The following HSD17B4 variants were observed in gnomAD, a reference collection of about 807,000 sequenced individuals.
HSD17B4 encodes the protein hydroxysteroid 17-beta dehydrogenase 4, also known as peroxisomal multifunctional enzyme type 2.
Under a neutral mutation model 101.0 loss-of-function variants are expected in HSD17B4, and 70 were observed. That is an observed-to-expected ratio of 0.69 (90% confidence interval 0.57 to 0.85). The LOEUF is 0.85. Among genes scored for constraint, HSD17B4 ranks in the 40% least tolerant of loss-of-function variants. The pLI is 0.00. For synonymous variants in HSD17B4, 347 were observed against 297.1 expected, an observed-to-expected ratio of 1.17 and a Z score of -1.73; for missense variants, 984 against 892.4, an observed-to-expected ratio of 1.10 and a Z score of -1.31.
chr5:119,514,989 A>G lies in HSD17B4; in HGVS notation c.1446A>G (p.Val482=). The G allele has an allele frequency of 1.3e-6, 2 of 1,547,222 alleles. No homozygotes were observed. The highest frequency in any genetic ancestry group is 1.8e-6 in the Non-Finnish European group (2 of 1,119,270). ...KRTSDKVKVA[V]AIPNRPPDAV... The stretch of plus-strand genomic sequence containing the variant: ...TAATGTCTTAATTTTAGGTAGCTGT[A>G]GCCATACCTAATAGACCTCCTGATG... Residue 482 remains valine (V), a synonymous_variant, in exon 17 of 24, where the codon GTA becomes GTG. Transcript: ENST00000510025.
chr5:119,524,616 C>G (rs1753410560), intron 17 of HSD17B4, among the ~76,000 whole-genome samples: 1 of 152,056 alleles, frequency 6.6e-6, no homozygotes, highest in African/African-American at 2.4e-5. Flanking sequence ...TATTGTTATC[C>G]AGGCCACGCT....
In HSD17B4 at chr5:119,499,529, T is replaced by G. The variant is rs751803308; in HGVS notation, c.1185T>G (p.Pro395=). ...TGGGTGGAGGATTAGCAGAAATTCCTGGACTTTCAATCAACTTTGCAAAGG... is the reference window on the plus strand; with the variant it reads ...TGGGTGGAGGATTAGCAGAAATTCCGGGACTTTCAATCAACTTTGCAAAGG... ...SMMGGGLAEI[P]GLSINFAKVL... Residue 395 remains proline, a synonymous_variant, in exon 13 of 24, where the codon CCT becomes CCG. Transcript: ENST00000510025. 6.2e-7 allele frequency: 1 copy of G among 1,612,400 alleles called. No homozygotes were observed.
intron 14 of HSD17B4, among the ~76,000 whole-genome samples, chr5:119,505,942 T>G (rs1013518973): frequency 1.3e-5 from 2 of 152,146 alleles, no homozygotes; most frequent in Admixed American, 6.5e-5. Flanking sequence ...AATATTGATG[T>G]TTGAAATTTA....
intron 1 of HSD17B4, 37 bp from the exon 2 acceptor site, chr5:119,456,278 A>T (rs772483576): frequency 1.3e-6 from 2 of 1,513,394 alleles, no homozygotes; most frequent in Non-Finnish European, 1.8e-6. Context: ...TTATGCTGAC[A>T]TTTCTTCAAC....
intron 22 of HSD17B4, chr5:119,536,005 C>T (rs1580722550): frequency 4.4e-6 from 1 of 224,770 alleles, no homozygotes; most frequent in East Asian, 1.2e-4. Context: ...TGGACTCTTT[C>T]AGAAGCTTAG....
At chr5:119,522,163 C>A (rs150510448) in intron 17 of HSD17B4, among the ~76,000 whole-genome samples, 1 of 151,862 alleles carries the variant, frequency 6.6e-6, no homozygotes, top group Admixed American at 6.6e-5. Context: ...TCAATTCCCA[C>A]GTATGAGTGA....
At chr5:119,456,260 CA>C (rs1411356795) in intron 1 of HSD17B4, 54 bp from the exon 2 acceptor site, 9 of 1,261,808 alleles carry the variant, frequency 7.1e-6, no homozygotes, top group South Asian at 1.2e-5. Flanking sequence ...TTGAGCGGAC[CA>C]AAAAAATTAT....
At chr5:119,528,179 G>A (rs1354040139) in intron 20 of HSD17B4, among the ~76,000 whole-genome samples, 1 of 151,980 alleles carries the variant, frequency 6.6e-6, no homozygotes, top group Non-Finnish European at 1.5e-5. Context: ...ATCTAATCTA[G>A]GTGTCCTAAA....
rs764991546 is a variant in HSD17B4, at chr5:119,501,314, C to CT, written c.1210-712dup. Among the ~76,000 whole-genome samples the CT allele has an allele frequency of 3.8e-3, 538 of 142,794 alleles. 2 individuals are homozygous for CT. The highest frequency in any genetic ancestry group is 0.011 in the Middle Eastern group (3 of 276). The allele number at this position is 142,794 out of a possible 152,430, so 93.7% of individuals were successfully genotyped here. ...CAACCACCTCCCCTTCTTCTTCTTC[C>CT]TTTTTTTTTTTTTTTAAAATCCTTT... On this transcript the variant is annotated intron_variant, in intron 13 of 23. Coordinates refer to ENST00000510025, the MANE Select transcript of HSD17B4 (RefSeq NM_000414.4).
intron 8 of HSD17B4, among the ~76,000 whole-genome samples, chr5:119,483,837 G>A (rs1327855478): frequency 6.6e-6 from 1 of 151,990 alleles, no homozygotes; most frequent in Non-Finnish European, 1.5e-5. Context: ...AACAGATATG[G>A]ACATTGTAAC....
intron 2 of HSD17B4, among the ~76,000 whole-genome samples, chr5:119,471,456 A>G (rs1426069962): frequency 1.3e-5 from 2 of 152,156 alleles, no homozygotes; most frequent in African/African-American, 4.8e-5. Flanking sequence ...CTTTTTCTCC[A>G]TATTATCCCA....
chr5:119,494,383 T>G (rs979227471), intron 11 of HSD17B4, among the ~76,000 whole-genome samples: 5 of 145,788 alleles, frequency 3.4e-5, no homozygotes, highest in African/African-American at 1.3e-4. Context: ...CTTTCTTTCT[T>G]TCTTTCTCAA....
At chr5:119,489,762 G>A (rs2126742175) in intron 9 of HSD17B4, among the ~76,000 whole-genome samples, 1 of 152,086 alleles carries the variant, frequency 6.6e-6, no homozygotes, top group Admixed American at 6.6e-5. Context: ...CAGTATAGCA[G>A]GAATTTAATC....
At chr5:119,509,326 T>G (rs967198849) in intron 16 of HSD17B4, 82 bp downstream of exon 16, 8 of 904,894 alleles carry the variant, frequency 8.8e-6, no homozygotes, top group Non-Finnish European at 1.1e-5. Context: ...AGCATGAGTT[T>G]GAACTGCATG....
chr5:119,485,816 G>C (rs1232133144), intron 8 of HSD17B4, among the ~76,000 whole-genome samples: 4 of 152,162 alleles, frequency 2.6e-5, no homozygotes, highest in Admixed American at 1.3e-4. Flanking sequence ...TTTCCAAGCT[G>C]TATTAGTTAT....
In HSD17B4 at chr5:119,499,447, GTT is replaced by G; in HGVS notation, c.1104_1105del (p.Ser369Ter). On this transcript the variant is annotated frameshift_variant, in exon 13 of 24. Transcript: ENST00000510025. LOFTEE classifies it high-confidence loss of function. ...GATTTGAAATTTATTTATGAAGGAA[GTT>G]CTGATTTCTCCTGTTTGCCCACCTT... 1 of 1,455,656 alleles carries G rather than the reference GTT, an allele frequency of 6.9e-7. No individual in the cohort carries two copies. The highest frequency in any genetic ancestry group is 9.7e-7 in the Non-Finnish European group (1 of 1,035,728). The allele number at this position is 1,455,656 out of a possible 1,614,324, so 90.2% of individuals were successfully genotyped here.
intron 11 of HSD17B4, among the ~76,000 whole-genome samples, chr5:119,494,605 A>G (rs993504952): frequency 1.3e-5 from 2 of 152,084 alleles, no homozygotes; most frequent in Non-Finnish European, 1.5e-5. Context: ...ATTCTAGGGT[A>G]TATTGATCTT....
rs760017440 is a variant in HSD17B4, at chr5:119,527,147, A to T, written c.1695A>T (p.Lys565Asn). 7 of 1,601,224 alleles carry T rather than the reference A, an allele frequency of 4.4e-6. No individual in the cohort carries two copies. In the South Asian group the frequency reaches 6.6e-5, roughly 15 times the overall value. ...CTTTTTTAAAGGCTCGTTTTGCAAA[A>T]CCAGTATATCCAGGACAAACTCTAC... is the stretch of plus-strand genomic sequence containing the variant. The part of the protein sequence containing the change: ...RFKAIKARFA[K>N]PVYPGQTLQT... The change falls in exon 20 of 24, where the codon AAA (lysine) becomes AAT (asparagine). Residue 565 changes from lysine (K) to asparagine (N), a missense_variant. By Grantham distance (94) the Lys-to-Asn change is moderately conservative (BLOSUM62 0). Coordinates refer to ENST00000510025, the MANE Select transcript of HSD17B4 (RefSeq NM_000414.4).
chr5:119,473,185 G>A (rs1293101266), intron 2 of HSD17B4, among the ~76,000 whole-genome samples: 4 of 148,136 alleles, frequency 2.7e-5, no homozygotes, highest in East Asian at 4.1e-4. Flanking sequence ...AGGATTGATC[G>A]ATCTTATAGT....
Sources: gnomAD v4.1 joint callset for allele counts (sites outside exome capture counted in the v4.1 genomes callset) on GRCh38, gnomAD v4.1.1 for gene constraint, MANE v1.5 for transcripts, NCBI Gene and HGNC (gene_info 2026-07-23, HGNC 2026-07-21) for gene names.